Variants in MACROD2 observed in about 807,000 individuals in gnomAD.
The protein encoded by MACROD2 is mono-ADP ribosylhydrolase 2, also known as ADP-ribose glycohydrolase MACROD2.
A neutral mutation model predicts 70.4 loss-of-function variants in MACROD2; 36 were observed. That is an observed-to-expected ratio of 0.51 (90% CI 0.39 to 0.68). The LOEUF is 0.68. Among genes scored for constraint, MACROD2 ranks in the 30% least tolerant of loss-of-function variants. The probability of loss-of-function intolerance (pLI) is 0.00; values close to 1 mark genes in which losing one functional copy is unlikely to be tolerated. For missense variants in MACROD2, 496 were observed against 538.4 expected (o/e 0.92, Z 0.78); for synonymous variants, 172 against 178.8 (o/e 0.96, Z 0.30).
intron 4 of MACROD2, among the ~76,000 whole-genome samples, chr20:14,586,324 CTT>C (rs961710454): frequency 6.6e-5 from 10 of 151,906 alleles, no homozygotes; most frequent in African/African-American, 1.9e-4. Context: ...ATAAATGACT[CTT>C]TTATATTCTT....
At position 14,316,073 on chromosome 20, in the gene MACROD2, T is replaced by C. The variant is rs117592612; in HGVS notation, c.272-177406T>C. The stretch of plus-strand genomic sequence containing the variant: ...TTCAGCGCAAAGCTAGGAAAAAGCT[T>C]CAGTGATCTGAAACTTCCATTCTCT... On this transcript the variant is annotated intron_variant, in intron 3 of 17. Coordinates refer to ENST00000684519, the MANE Select transcript of MACROD2 (RefSeq NM_001351661.2). Among the ~76,000 whole-genome samples the C allele has an allele frequency of 1.9e-4, 29 of 152,334 alleles. No homozygotes were observed. In the East Asian group the frequency reaches 5.2e-3, roughly 27 times the overall value.
chr20:15,632,450 A>T lies in MACROD2; in HGVS notation c.645+132603A>T, dbSNP rs150909752. 1.1e-4 allele frequency among the ~76,000 whole-genome samples: 16 copies of T among 152,346 alleles called. 1 individual carries two copies. In the East Asian group the frequency reaches 3.1e-3, roughly 29 times the overall value. On this transcript the variant is annotated intron_variant, in intron 8 of 17. Coordinates refer to ENST00000684519, the MANE Select transcript of MACROD2 (RefSeq NM_001351661.2). ...TACATGGACAGATAAATGCAATGAA[A>T]TTACAACTCAGTTAAATACAAAACA... is the stretch of plus-strand genomic sequence containing the variant.
chr20:15,591,860 A>G (rs1243589846), intron 8 of MACROD2, among the ~76,000 whole-genome samples: 1 of 152,138 alleles, frequency 6.6e-6, no homozygotes, highest in Non-Finnish European at 1.5e-5. Flanking sequence ...CTTTTTTCAA[A>G]CAATGATAAC....
At chr20:14,062,037 A>G (rs2053696730) in intron 2 of MACROD2, among the ~76,000 whole-genome samples, 1 of 152,188 alleles carries the variant, frequency 6.6e-6, no homozygotes, top group South Asian at 2.1e-4. Flanking sequence ...AATAAAAAAT[A>G]GAAGCTTTGA....
chr20:14,340,118 T>C (rs961884440), intron 3 of MACROD2, among the ~76,000 whole-genome samples: 1 of 152,212 alleles, frequency 6.6e-6, no homozygotes, highest in African/African-American at 2.4e-5. Flanking sequence ...ACTGTTTTGA[T>C]TGAAGGGGAT....
At chr20:14,533,092 A>T (rs2085325580) in intron 4 of MACROD2, among the ~76,000 whole-genome samples, 1 of 150,972 alleles carries the variant, frequency 6.6e-6, no homozygotes, top group Non-Finnish European at 1.5e-5. Context: ...AAAACAGGAG[A>T]TTTCACAGCA....
chr20:14,086,249 T>A (rs1302292549), intron 3 of MACROD2: 1 of 362,708 alleles, frequency 2.8e-6, no homozygotes. Context: ...ATTTTAATTA[T>A]TTTTAATAAT....
At chr20:14,239,108 T>G (rs547177397) in intron 3 of MACROD2, among the ~76,000 whole-genome samples, 1 of 148,302 alleles carries the variant, frequency 6.7e-6, no homozygotes, top group Admixed American at 6.7e-5. Flanking sequence ...CAATGAAGAA[T>G]ACAATCTCAT....
chr20:15,911,197 G>A (rs990485721), intron 10 of MACROD2, among the ~76,000 whole-genome samples: 14 of 152,212 alleles, frequency 9.2e-5, no homozygotes, highest in African/African-American at 2.9e-4. Context: ...ACCGGGAGGT[G>A]CAGGGGTGGA....
intron 3 of MACROD2, among the ~76,000 whole-genome samples, chr20:14,379,507 A>G (rs1021334347): frequency 2.0e-5 from 3 of 152,208 alleles, no homozygotes; most frequent in Non-Finnish European, 4.4e-5. Flanking sequence ...CAATTCAGTG[A>G]CAATAAATAC....
chr20:15,462,615 T>C (rs1234706252), intron 7 of MACROD2, among the ~76,000 whole-genome samples: 2 of 152,242 alleles, frequency 1.3e-5, no homozygotes, highest in African/African-American at 4.8e-5. Context: ...TTCTTAAATA[T>C]GCAAGTGATA....
At chr20:15,979,058 T>C (rs1425650930) in intron 13 of MACROD2, among the ~76,000 whole-genome samples, 1 of 152,206 alleles carries the variant, frequency 6.6e-6, no homozygotes. Flanking sequence ...ATCCAGGTCA[T>C]GCTAGCAGAG....
chr20:15,255,333 G>A (rs888082210), intron 6 of MACROD2, among the ~76,000 whole-genome samples: 5 of 152,064 alleles, frequency 3.3e-5, no homozygotes, highest in African/African-American at 2.4e-5. Context: ...GGTGCTTCCT[G>A]TCCAAGCACT....
chr20:15,044,284 T>C (rs900375079), intron 5 of MACROD2, among the ~76,000 whole-genome samples: 1 of 152,192 alleles, frequency 6.6e-6, no homozygotes, highest in Non-Finnish European at 1.5e-5. Flanking sequence ...TTCTTCTTAC[T>C]CCTATCACTC....
intron 5 of MACROD2, among the ~76,000 whole-genome samples, chr20:14,993,646 GA>G (rs1012169233): frequency 1.3e-5 from 2 of 151,770 alleles, no homozygotes; most frequent in African/African-American, 2.4e-5. Flanking sequence ...TATTTAACAA[GA>G]AAAAAAATCT....
intron 6 of MACROD2, among the ~76,000 whole-genome samples, chr20:15,306,411 C>G (rs890403426): frequency 6.6e-6 from 1 of 152,112 alleles, no homozygotes; most frequent in Non-Finnish European, 1.5e-5. Context: ...ATACATTATC[C>G]CATTTAATCC....
At chr20:15,284,852 T>C (rs1043528926) in intron 6 of MACROD2, among the ~76,000 whole-genome samples, 3 of 152,232 alleles carry the variant, frequency 2.0e-5, no homozygotes, top group African/African-American at 7.2e-5. Context: ...ACTATACCTA[T>C]GGTTTTTATA....
chr20:15,317,768 G>GTT (rs148672771), intron 6 of MACROD2, among the ~76,000 whole-genome samples: 1 of 151,354 alleles, frequency 6.6e-6, no homozygotes, highest in African/African-American at 2.4e-5. Context: ...TTTTTATTTA[G>GTT]TTTTTTTTGT....
intron 5 of MACROD2, among the ~76,000 whole-genome samples, chr20:15,081,262 G>T (rs1250551918): frequency 6.6e-6 from 1 of 152,098 alleles, no homozygotes; most frequent in Non-Finnish European, 1.5e-5. Flanking sequence ...ATGCTCATTT[G>T]TTTACATGTT....
Sources: gnomAD v4.1 joint callset for allele counts (sites outside exome capture counted in the v4.1 genomes callset) on GRCh38, gnomAD v4.1.1 for gene constraint, MANE v1.5 for transcripts, NCBI Gene and HGNC (gene_info 2026-07-23, HGNC 2026-07-21) for gene names.